POLR2F: variants seen among roughly 807,000 people sequenced by gnomAD.
POLR2F encodes RNA polymerase II, I and III subunit F, also known as DNA-directed RNA polymerases I, II, and III subunit RPABC2.
A neutral mutation model predicts 22.7 loss-of-function variants in POLR2F; 12 were observed. That is an observed-to-expected ratio of 0.53 (90% CI 0.34 to 0.86). The LOEUF is 0.86. Ranked by LOEUF, POLR2F falls within the 40% of genes least tolerant of loss-of-function variation. The pLI, the probability that POLR2F is intolerant of heterozygous loss-of-function variation, is 0.02. For missense variants in POLR2F, 126 were observed against 171.5 expected, an observed-to-expected ratio of 0.73 and a Z score of 1.48; for synonymous variants, 57 against 66.0, an observed-to-expected ratio of 0.86 and a Z score of 0.66.
intron 1 of POLR2F, among the ~76,000 whole-genome samples, chr22:38,018,280 T>C (rs2084931406): frequency 6.6e-6 from 1 of 152,204 alleles, no homozygotes; most frequent in South Asian, 2.1e-4. Context: ...ATCAGGGCTA[T>C]GTAGGATTTG....
At chr22:37,987,646 T>C in intron 1 of POLR2F, 5 of 300,660 alleles carry the variant, frequency 1.7e-5, no homozygotes, top group South Asian at 1.6e-4. Context: ...GTTGAGGCTC[T>C]GCCCCAGCCT....
chr22:38,005,637 A>C (rs994703775), intron 1 of POLR2F, among the ~76,000 whole-genome samples: 2 of 152,202 alleles, frequency 1.3e-5, no homozygotes, highest in Non-Finnish European at 2.9e-5. Context: ...GGTGTGCAGG[A>C]GCCAGGGTGA....
chr22:37,974,825 G>C lies in POLR2F; in HGVS notation c.293+7655G>C, dbSNP rs929670177. Among the ~76,000 whole-genome samples, 2 of 152,174 alleles carry C rather than the reference G, an allele frequency of 1.3e-5. No homozygotes were observed. The highest frequency in any genetic ancestry group is 2.9e-5 in the Non-Finnish European group (2 of 68,044). On this transcript the variant is annotated intron_variant, in intron 4 of 4. Coordinates refer to the POLR2F transcript ENST00000405557. This position sits in a 1 kb window ranked among gnomAD's most constrained non-coding sequence, Gnocchi z 5.4. Reference sequence around the variant, plus strand: ...CCAGGTGGTCTGGCCCAGCCTTTGCGCTCTGCCAGCCCCGCTTCCACACCC... The same window carrying C: ...CCAGGTGGTCTGGCCCAGCCTTTGCCCTCTGCCAGCCCCGCTTCCACACCC...
chr22:37,971,521 G>C (rs527705210), downstream of POLR2F, among the ~76,000 whole-genome samples: 97 of 152,328 alleles, frequency 6.4e-4, no homozygotes, highest in Middle Eastern at 3.4e-3. Context: ...TCTGGGTGCA[G>C]TTTGGACTTC....
chr22:38,020,538 G>C (rs1357775927), intron 1 of POLR2F, among the ~76,000 whole-genome samples: 2 of 150,958 alleles, frequency 1.3e-5, no homozygotes, highest in Non-Finnish European at 2.9e-5. Flanking sequence ...CCAAAGTGCT[G>C]GGATTACAGG....
upstream of POLR2F, among the ~76,000 whole-genome samples, chr22:37,984,709 G>C (rs1932520174): frequency 1.3e-5 from 2 of 151,808 alleles, no homozygotes; most frequent in South Asian, 4.1e-4. The surrounding 1 kb of genome is among the most constrained non-coding windows in gnomAD (Gnocchi z 4.4). Context: ...CCCCCACCCA[G>C]CTCCCTGCCC....
chr22:38,023,798 G>A (rs913060796), intron 1 of POLR2F, among the ~76,000 whole-genome samples: 1 of 151,116 alleles, frequency 6.6e-6, no homozygotes, highest in East Asian at 1.9e-4. Flanking sequence ...TCAGCCTCCC[G>A]AGAAGCTGGG....
rs1931922223 is a variant in POLR2F at position 37,967,883 on chromosome 22, TC to T, written c.*170del. On this transcript the variant is annotated 3_prime_UTR_variant, in exon 5 of 5. Coordinates refer to ENST00000442738, the MANE Select transcript of POLR2F (RefSeq NM_021974.5). ...CATGCTGCGTGGAGCATGCACCTATTCCAGTGGCCCTGTGACTGTCAGCTCC... is the reference window on the plus strand; with the variant it reads ...CATGCTGCGTGGAGCATGCACCTATTCAGTGGCCCTGTGACTGTCAGCTCC... 7.3e-6 allele frequency: 10 copies of T among 1,361,106 alleles called. No homozygotes were observed. The African/African-American group carries it at 1.3e-4, about 18-fold the overall frequency. 84.3% of individuals were successfully genotyped at this position (1,361,106 alleles called of 1,614,324 possible).
intron 5 of POLR2F, among the ~76,000 whole-genome samples, chr22:38,038,959 C>A (rs987738049): frequency 1.1e-4 from 16 of 152,144 alleles, no homozygotes; most frequent in Non-Finnish European, 2.1e-4. Flanking sequence ...GGCTGGGGCT[C>A]CACAGGACGT....
At chr22:37,990,429 A>G (rs1034405813) in intron 1 of POLR2F, among the ~76,000 whole-genome samples, 3 of 152,216 alleles carry the variant, frequency 2.0e-5, no homozygotes, top group African/African-American at 7.2e-5. Flanking sequence ...AAGCCTTCAG[A>G]GAAGTTGACT....
At chr22:38,037,962 G>A (rs564055645) in intron 5 of POLR2F, among the ~76,000 whole-genome samples, 9 of 152,172 alleles carry the variant, frequency 5.9e-5, no homozygotes, top group Admixed American at 4.6e-4. Flanking sequence ...ATGCAGGTTG[G>A]CCGGAGGTAG....
Position 37,968,026 on chromosome 22 carries a change from G to A in POLR2F, c.*311G>A. The A allele has an allele frequency of 9.6e-7, 1 of 1,037,100 alleles. No homozygotes were observed. 64.2% of individuals were successfully genotyped at this position (1,037,100 alleles called of 1,614,324 possible). ...AGACACCTCAGCTGCCTTCCAAGCA[G>A]ACAGACAAGTCTTTGTGCCCAGGGA... On this transcript the variant is annotated 3_prime_UTR_variant, in exon 5 of 5. Coordinates refer to ENST00000442738, the MANE Select transcript of POLR2F (RefSeq NM_021974.5).
rs1270349294 is a variant in POLR2F, at chr22:37,967,608, C to A, written c.294-17C>A. ...GTCACCAGCCCTCATGTACTTGTGA[C>A]TTCTCCCCTGCCACAGGGCCCGAAA... is the stretch of plus-strand genomic sequence containing the variant. On this transcript the variant is annotated splice_polypyrimidine_tract_variant and intron_variant, in intron 4 of 4. Transcript: ENST00000442738. The A allele has an allele frequency of 6.2e-7, 1 of 1,613,270 alleles. No individual in the cohort carries two copies. The highest frequency in any genetic ancestry group is 1.1e-5 in the South Asian group (1 of 90,952).
chr22:38,013,611 T>C (rs761382764), intron 1 of POLR2F, among the ~76,000 whole-genome samples: 3 of 152,248 alleles, frequency 2.0e-5, no homozygotes, highest in Non-Finnish European at 2.9e-5. Context: ...TTGTGTATAG[T>C]TCTTTTTGTC....
At position 37,968,795 on chromosome 22, in the gene POLR2F, G is replaced by T; in HGVS notation, c.*1080G>T. 1 of 985,548 alleles carries T rather than the reference G, an allele frequency of 1.0e-6. No homozygotes were observed. Among genetic ancestry groups the T allele is most frequent in the East Asian group, 1.1e-4 (1 of 8,818 alleles). 61.1% of individuals were successfully genotyped at this position (985,548 alleles called of 1,614,324 possible). A position where few individuals can be genotyped will look rare whatever the true frequency, so the allele number is the denominator to read the frequency against. On this transcript the variant is annotated 3_prime_UTR_variant, in exon 5 of 5. Transcript: ENST00000442738. ...TTCCCTAACCTCTGCAGGAGGCAGGGCCTCCAGGCCTAGGTGCAGCCTGGC... is the reference window on the plus strand; with the variant it reads ...TTCCCTAACCTCTGCAGGAGGCAGGTCCTCCAGGCCTAGGTGCAGCCTGGC...
downstream of POLR2F, chr22:37,969,343 A>G: frequency 4.1e-6 from 4 of 984,692 alleles, no homozygotes; most frequent in South Asian, 1.4e-4. Flanking sequence ...GGGTTTGGGC[A>G]TAGTCTCTTG....
intron 1 of POLR2F, chr22:37,987,424 G>A (rs936277391): frequency 5.1e-6 from 2 of 392,884 alleles, no homozygotes; most frequent in African/African-American, 4.1e-5. Flanking sequence ...TCACCCCCCA[G>A]CTCCCAAGTC....
At chr22:38,025,100 C>T (rs2084994605) in intron 1 of POLR2F, among the ~76,000 whole-genome samples, 1 of 152,100 alleles carries the variant, frequency 6.6e-6, no homozygotes, top group Non-Finnish European at 1.5e-5. Flanking sequence ...TGTCCTGGTC[C>T]CTCCAGCCAC....
At chr22:37,970,250 C>T (rs1015090206), downstream of POLR2F, among the ~76,000 whole-genome samples, 9 of 148,098 alleles carry the variant, frequency 6.1e-5, no homozygotes, top group African/African-American at 1.0e-4. Context: ...GCCGAGATCC[C>T]GCTACTGCAC....
Sources: gnomAD v4.1 joint callset for allele counts (sites outside exome capture counted in the v4.1 genomes callset) on GRCh38, gnomAD v4.1.1 for gene constraint, Gnocchi (gnomAD v3.1) non-coding constraint, MANE v1.5 for transcripts, NCBI Gene and HGNC (gene_info 2026-07-23, HGNC 2026-07-21) for gene names.